G6PD: variants seen among roughly 807,000 people sequenced by gnomAD.
The protein encoded by G6PD is glucose-6-phosphate 1-dehydrogenase.
A neutral mutation model predicts 38.2 loss-of-function variants in G6PD; 2 were observed. The observed-to-expected ratio is 0.05, with a 90% CI of 0.02 to 0.16. The LOEUF is 0.16. G6PD is among the 10% of genes least tolerant of loss of function. G6PD has a pLI of 1.00. For synonymous variants in G6PD, 188 were observed against 196.0 expected, an observed-to-expected ratio of 0.96 and a Z score of 0.34; for missense variants, 310 against 471.6, an observed-to-expected ratio of 0.66 and a Z score of 3.17.
rs191922706 is a variant in G6PD, at chrX:154,534,584, G to A, written c.486-88C>T. On this transcript the variant is annotated intron_variant, in intron 5 of 12. Transcript: ENST00000393562. The stretch of plus-strand genomic sequence containing the variant: ...CTGCATCATTCAGACGCCCTCCCAG[G>A]GGAGTAGAGGCCAGAACCTCCTCGC... 2.6e-3 allele frequency: 2,894 copies of A among 1,103,135 alleles called. 8 individuals are homozygous for A. The highest frequency in any genetic ancestry group is 3.0e-3 in the Non-Finnish European group (2,428 of 813,670). 90.9% of individuals were successfully genotyped at this position (1,103,135 alleles called of 1,213,427 possible). A position where few individuals can be genotyped will look rare whatever the true frequency, so the allele number is the denominator to read the frequency against.
intron 2 of G6PD, among the ~76,000 whole-genome samples, chrX:154,544,899 C>T (rs2070648783): frequency 8.9e-6 from 1 of 112,473 alleles, no homozygotes; most frequent in African/African-American, 3.2e-5. Context: ...CACTGAGGGG[C>T]GCACGATGTG....
chrX:154,543,163 C>G (rs1055926175), intron 2 of G6PD, among the ~76,000 whole-genome samples: 5 of 112,270 alleles, frequency 4.5e-5, no homozygotes, highest in African/African-American at 1.3e-4. Context: ...AAACAAACCA[C>G]GAGGCTCTTC....
upstream of G6PD, chrX:154,546,865 G>A (rs782307351): frequency 4.5e-6 from 5 of 1,105,156 alleles, no homozygotes; most frequent in East Asian, 3.7e-5. Flanking sequence ...AGCCCCGCCG[G>A]CCCATTTAAT....
chrX:154,545,891 G>A (rs1230115471), intron 2 of G6PD, 145 bp downstream of exon 2: 3 of 704,855 alleles, frequency 4.3e-6, no homozygotes, highest in Middle Eastern at 3.9e-4. Flanking sequence ...AGGTAGAGCC[G>A]GGATGATCCT....
chrX:154,543,373 A>G (rs1557232435), intron 2 of G6PD, among the ~76,000 whole-genome samples: 1 of 112,416 alleles, frequency 8.9e-6, no homozygotes, highest in Non-Finnish European at 1.9e-5. Flanking sequence ...GGAAAAGCCT[A>G]AGGACCCTGG....
At chrX:154,538,766 A>G (rs144880852) in intron 2 of G6PD, among the ~76,000 whole-genome samples, 3,544 of 111,118 alleles carry the variant, frequency 0.032, 149 homozygotes, top group African/African-American at 0.11. Flanking sequence ...ATTTCTACTA[A>G]AAATACAAAA....
At chrX:154,542,923 G>A (rs1485438665) in intron 2 of G6PD, among the ~76,000 whole-genome samples, 3 of 112,104 alleles carry the variant, frequency 2.7e-5, no homozygotes, top group African/African-American at 9.8e-5. Flanking sequence ...AGGAGGGCAG[G>A]GACTGGCTGC....
At chrX:154,547,216 C>A, upstream of G6PD, 3 of 522,438 alleles carry the variant, frequency 5.7e-6, no homozygotes, top group Non-Finnish European at 4.7e-6. Flanking sequence ...GGCTCCACTT[C>A]CGCCGGCAGC....
intron 5 of G6PD, 79 bp from the exon 6 acceptor site, chrX:154,534,575 C>T (rs1557230440): frequency 7.0e-6 from 8 of 1,150,935 alleles, no homozygotes; most frequent in Non-Finnish European, 9.4e-6. Context: ...CATTCAGACG[C>T]CCTCCCAGGG....
chrX:154,547,060 T>C (rs1343142050), upstream of G6PD: 9 of 169,731 alleles, frequency 5.3e-5, no homozygotes, highest in Non-Finnish European at 9.8e-5. Context: ...CTGCCTGCCA[T>C]ACCCGCTGCC....
intron 2 of G6PD, among the ~76,000 whole-genome samples, chrX:154,542,818 C>G (rs781959728): frequency 6.3e-5 from 7 of 111,960 alleles, no homozygotes; most frequent in Admixed American, 2.8e-4. Context: ...GACACAGGGC[C>G]CATGTGTATC....
At chrX:154,539,541 G>C (rs1490770793) in intron 2 of G6PD, among the ~76,000 whole-genome samples, 2 of 110,804 alleles carry the variant, frequency 1.8e-5, no homozygotes, top group East Asian at 5.6e-4. Flanking sequence ...GGAGCGGAGG[G>C]TGGGGAGTGG....
At chrX:154,540,951 C>T (rs985525218) in intron 2 of G6PD, among the ~76,000 whole-genome samples, 5 of 111,666 alleles carry the variant, frequency 4.5e-5, no homozygotes, top group East Asian at 5.6e-4. Context: ...GACAACCCCT[C>T]GCCCTGGGGT....
chrX:154,538,841 C>T (rs782127833), intron 2 of G6PD, among the ~76,000 whole-genome samples: 2 of 109,388 alleles, frequency 1.8e-5, no homozygotes, highest in African/African-American at 3.3e-5. Flanking sequence ...GCAGGAGAAT[C>T]GCTTGAACCA....
upstream of G6PD, chrX:154,547,551 T>C (rs1160272180): frequency 4.0e-6 from 3 of 754,296 alleles, no homozygotes; most frequent in Non-Finnish European, 4.7e-6. Flanking sequence ...CTCACACTTC[T>C]CGCCGGCTTC....
intron 8 of G6PD, 133 bp from the exon 9 acceptor site, chrX:154,533,261 C>T (rs2070363403): frequency 1.3e-6 from 1 of 746,806 alleles, no homozygotes. Context: ...CTGCCAGAGG[C>T]CCAGCTCAGG....
chrX:154,533,886 C>T, intron 7 of G6PD, 149 bp downstream of exon 7: 4 of 1,199,094 alleles, frequency 3.3e-6, no homozygotes, highest in Middle Eastern at 2.3e-4. Context: ...GGGGTCCAGC[C>T]CTTTCCAGCC....
chrX:154,537,547 G>A (rs60924463), intron 2 of G6PD, among the ~76,000 whole-genome samples: 2,197 of 111,508 alleles, frequency 0.02, 56 homozygotes, highest in African/African-American at 0.069. Context: ...CCTGGGAGGC[G>A]GAGGTTGCAG....
chrX:154,533,026 G>C lies in G6PD; in HGVS notation c.967C>G (p.Leu323Val). 8.2e-7 allele frequency: 1 copy of C among 1,212,414 alleles called. No homozygotes were observed. Among genetic ancestry groups the C allele is most frequent in the Non-Finnish European group, 1.1e-6 (1 of 895,623 alleles). Residue 323 changes from leucine (L) to valine (V), a missense_variant, in exon 9 of 13, where the codon CTG becomes GTG. By Grantham distance (32) the Leu-to-Val change is conservative (BLOSUM62 1). This residue lies in a region of G6PD where 168 missense variants were observed against 309.2 expected (regional missense o/e 0.54). Coordinates refer to ENST00000393562, the MANE Select transcript of G6PD (RefSeq NM_001360016.2). ...CCGCGGGGCACCGTGGGGTCGTCCAGGTACCCTTTGGTGGCCTCGCCCTCT... is the reference window on the plus strand; with the variant it reads ...CCGCGGGGCACCGTGGGGTCGTCCACGTACCCTTTGGTGGCCTCGCCCTCT... ...DGEGEATKGY[L>V]DDPTVPRGST...
Sources: gnomAD v4.1 joint callset for allele counts (sites outside exome capture counted in the v4.1 genomes callset) on GRCh38, gnomAD v4.1.1 for gene constraint, gnomAD v4.1.1 regional missense constraint, MANE v1.5 for transcripts, NCBI Gene and HGNC (gene_info 2026-07-23, HGNC 2026-07-21) for gene names.